The following RASEF variants were observed in gnomAD, a reference collection of about 807,000 sequenced individuals.
RASEF encodes RAS and EF-hand domain containing.
Under a neutral mutation model 90.1 loss-of-function variants are expected in RASEF, and 68 were observed. The ratio of observed to expected loss-of-function variants is 0.75; its 90% CI spans 0.62 to 0.92. RASEF has a LOEUF of 0.92. RASEF is among the 40% of genes least tolerant of loss of function. The pLI is 0.00. For missense variants in RASEF, 949 were observed against 937.2 expected (o/e 1.01, Z -0.16); for synonymous variants, 331 against 345.2 (o/e 0.96, Z 0.46).
chr9:83,043,691 T>C (rs1168751807), intron 1 of RASEF, among the ~76,000 whole-genome samples: 3 of 152,174 alleles, frequency 2.0e-5, no homozygotes, highest in African/African-American at 7.2e-5. Flanking sequence ...CAGCGAAGTT[T>C]ATCTCTTCTA....
At chr9:82,999,673 G>A (rs1828987842) in intron 12 of RASEF, among the ~76,000 whole-genome samples, 1 of 149,338 alleles carries the variant, frequency 6.7e-6, no homozygotes, top group Non-Finnish European at 1.5e-5. Flanking sequence ...GTGTGATCTC[G>A]GCTCACTGCA....
chr9:83,132,336 G>A, the RASEF span, among the ~76,000 whole-genome samples: 5 of 152,110 alleles, frequency 3.3e-5, no homozygotes, highest in Non-Finnish European at 7.4e-5. Flanking sequence ...GCTCTAACAT[G>A]GCAGGAAGAC....
the RASEF span, among the ~76,000 whole-genome samples, chr9:83,185,587 T>A: frequency 9.2e-5 from 14 of 152,104 alleles, no homozygotes; most frequent in African/African-American, 3.4e-4. Context: ...GATGGCTGTG[T>A]AACCTGCAGT....
At chr9:83,121,491 G>A in the RASEF span, among the ~76,000 whole-genome samples, 1 of 152,184 alleles carries the variant, frequency 6.6e-6, no homozygotes, top group East Asian at 1.9e-4. Context: ...CATGGCCCTT[G>A]AGATATGCAG....
intron 1 of RASEF, among the ~76,000 whole-genome samples, chr9:83,061,333 T>C (rs1355905315): frequency 6.6e-6 from 1 of 152,144 alleles, no homozygotes; most frequent in Non-Finnish European, 1.5e-5. Context: ...AGTGAGGGCT[T>C]CCAATGAACA....
chr9:83,168,874 A>G, the RASEF span, among the ~76,000 whole-genome samples: 1 of 152,102 alleles, frequency 6.6e-6, no homozygotes, highest in African/African-American at 2.4e-5. Flanking sequence ...ATTTTGAAAT[A>G]TGCAATAAAT....
the RASEF span, among the ~76,000 whole-genome samples, chr9:83,157,343 T>C: frequency 6.6e-6 from 1 of 152,354 alleles, no homozygotes; most frequent in Non-Finnish European, 1.5e-5. Context: ...TTAATCCCTC[T>C]GCTCTAGGGC....
chr9:83,119,456 T>A, the RASEF span, among the ~76,000 whole-genome samples: 7 of 152,218 alleles, frequency 4.6e-5, no homozygotes, highest in African/African-American at 1.2e-4. Flanking sequence ...AATAAAGTAA[T>A]GTGCTTTACC....
chr9:83,012,423 G>GT lies in RASEF; in HGVS notation c.843+10dup, dbSNP rs752431804. ...GAAGTGCATTTCTGTAAGTGAAAAGGTAATTCTTACCATTGATAAATCATA... is the reference window on the plus strand; with the variant it reads ...GAAGTGCATTTCTGTAAGTGAAAAGGTTAATTCTTACCATTGATAAATCATA... On this transcript the variant is annotated intron_variant, in intron 5 of 16. Transcript: ENST00000376447. The GT allele has an allele frequency of 1.0e-5, 15 of 1,452,350 alleles. No homozygotes were observed. The East Asian group carries it at 3.7e-4, about 36-fold the overall frequency. The allele number at this position is 1,452,350 out of a possible 1,614,324, so 90.0% of individuals were successfully genotyped here.
chr9:83,033,254 T>C (rs1829677707), intron 1 of RASEF, among the ~76,000 whole-genome samples: 1 of 152,184 alleles, frequency 6.6e-6, no homozygotes, highest in African/African-American at 2.4e-5. Flanking sequence ...AGGGGCGCCA[T>C]GAGAGATCTT....
At chr9:83,175,765 A>G in the RASEF span, among the ~76,000 whole-genome samples, 9 of 152,024 alleles carry the variant, frequency 5.9e-5, no homozygotes, top group Non-Finnish European at 1.0e-4. Context: ...TATTTTTAGT[A>G]GAGATGGGGT....
At chr9:83,008,589 G>GGACAGTGCCTGGCAGGC (rs1829174828) in intron 6 of RASEF, among the ~76,000 whole-genome samples, 1 of 152,032 alleles carries the variant, frequency 6.6e-6, no homozygotes, top group East Asian at 1.9e-4. Context: ...CGAAGGACCA[G>GGACAGTGCCTGGCAGGC]GACAGTGCCT....
chr9:83,160,704 A>G, the RASEF span, among the ~76,000 whole-genome samples: 1 of 152,200 alleles, frequency 6.6e-6, no homozygotes, highest in Admixed American at 6.5e-5. Flanking sequence ...AAATGTCTCC[A>G]GGGTATGTCA....
the RASEF span, among the ~76,000 whole-genome samples, chr9:83,215,967 T>A: frequency 6.6e-6 from 1 of 151,664 alleles, no homozygotes; most frequent in East Asian, 1.9e-4. Context: ...TGTTGGAAAC[T>A]AGAATAAAGG....
chr9:83,047,795 A>G (rs1477519461), intron 1 of RASEF, among the ~76,000 whole-genome samples: 1 of 152,230 alleles, frequency 6.6e-6, no homozygotes, highest in Non-Finnish European at 1.5e-5. Flanking sequence ...AATAAGTAAC[A>G]CCATTAAAGT....
rs147758887 is a variant in RASEF, at chr9:83,040,297, T to C, written c.432-14376A>G. Among the ~76,000 whole-genome samples, 960 of 152,310 alleles carry C rather than the reference T, an allele frequency of 6.3e-3. 5 individuals carry two copies. The highest frequency in any genetic ancestry group is 0.011 in the Non-Finnish European group (738 of 68,030). On this transcript the variant is annotated intron_variant, in intron 1 of 16. Transcript: ENST00000376447. The stretch of plus-strand genomic sequence containing the variant: ...AACATCAGCTGAATGGCTAAACCAA[T>C]GTATCAAATCTTGAATATATTTTGA...
rs28541696 is a variant in RASEF at position 83,030,154 on chromosome 9, C to T, written c.432-4233G>A. Among the ~76,000 whole-genome samples, 341 of 152,178 alleles carry T rather than the reference C, an allele frequency of 2.2e-3. 3 individuals are homozygous for T. The highest frequency in any genetic ancestry group is 7.4e-3 in the African/African-American group (309 of 41,532). On this transcript the variant is annotated intron_variant, in intron 1 of 16. Transcript: ENST00000376447. ...GGTAGATCACCTGAGGTCAGGAGTTCGAGACCAGCCTGACCAATATGGTGA... is the reference window on the plus strand; with the variant it reads ...GGTAGATCACCTGAGGTCAGGAGTTTGAGACCAGCCTGACCAATATGGTGA...
At chr9:83,192,470 C>T in the RASEF span, among the ~76,000 whole-genome samples, 1 of 152,162 alleles carries the variant, frequency 6.6e-6, no homozygotes, top group East Asian at 1.9e-4. Context: ...AAATCAAATA[C>T]CACATGTTCT....
At chr9:82,998,009 C>T (rs1043848460) in intron 13 of RASEF, among the ~76,000 whole-genome samples, 1 of 152,138 alleles carries the variant, frequency 6.6e-6, no homozygotes, top group African/African-American at 2.4e-5. Flanking sequence ...GGGGAGCTGA[C>T]TGGTTCTCTT....
Sources: gnomAD v4.1 joint callset for allele counts (sites outside exome capture counted in the v4.1 genomes callset) on GRCh38, gnomAD v4.1.1 for gene constraint, MANE v1.5 for transcripts, NCBI Gene and HGNC (gene_info 2026-07-23, HGNC 2026-07-21) for gene names.